Variants in KCNA6 observed in about 807,000 individuals in gnomAD.
The protein encoded by KCNA6 is potassium voltage-gated channel subfamily A member 6, also known as human brain potassium channel-2.
A neutral mutation model predicts 29.5 loss-of-function variants in KCNA6; 17 were observed. The ratio of observed to expected loss-of-function variants is 0.58; its 90% confidence interval spans 0.39 to 0.86. The LOEUF (loss-of-function observed/expected upper bound fraction) is 0.86. Among genes scored for constraint, KCNA6 ranks in the 40% least tolerant of loss-of-function variants. KCNA6 has a pLI of 0.00. For synonymous variants in KCNA6, 296 were observed against 304.7 expected, an observed-to-expected ratio of 0.97 and a Z score of 0.30; for missense variants, 450 against 703.4, an observed-to-expected ratio of 0.64 and a Z score of 4.07.
At chr12:4,840,239 C>A in the KCNA6 span, among the ~76,000 whole-genome samples, 91,372 of 147,060 alleles carry the variant, frequency 0.62, 28,200 homozygotes, top group Middle Eastern at 0.66. Context: ...ATCTATCTAT[C>A]TATCTCCTCT....
the KCNA6 span, among the ~76,000 whole-genome samples, chr12:4,833,077 G>T: frequency 5.3e-5 from 8 of 152,138 alleles, no homozygotes; most frequent in Admixed American, 3.9e-4. Flanking sequence ...TAAAAAAAGA[G>T]AATATTTTTT....
At chr12:4,823,484 C>T in the KCNA6 span, among the ~76,000 whole-genome samples, 718 of 151,832 alleles carry the variant, frequency 4.7e-3, 5 homozygotes, top group African/African-American at 0.016. Context: ...ACGGGAATTC[C>T]GGCTGGGTGC....
At chr12:4,829,753 C>T in the KCNA6 span, among the ~76,000 whole-genome samples, 1 of 152,054 alleles carries the variant, frequency 6.6e-6, no homozygotes, top group Non-Finnish European at 1.5e-5. Flanking sequence ...AGTTGGGTAC[C>T]TCCAGCCCAA....
chr12:4,826,858 AG>A, the KCNA6 span, among the ~76,000 whole-genome samples: 10 of 152,248 alleles, frequency 6.6e-5, no homozygotes, highest in Admixed American at 6.5e-4. Flanking sequence ...CATATACTCC[AG>A]TCTATTATTT....
the KCNA6 span, among the ~76,000 whole-genome samples, chr12:4,833,392 T>C: frequency 1.3e-5 from 2 of 152,106 alleles, no homozygotes; most frequent in East Asian, 3.9e-4. Context: ...ATCCTGCCCA[T>C]GTTGCTCCCA....
At chr12:4,843,282 A>G in the KCNA6 span, among the ~76,000 whole-genome samples, 3 of 150,876 alleles carry the variant, frequency 2.0e-5, no homozygotes, top group African/African-American at 4.9e-5. Flanking sequence ...CCGGGTTCAC[A>G]CCATTCTCCT....
the KCNA6 span, among the ~76,000 whole-genome samples, chr12:4,840,481 T>C: frequency 6.6e-6 from 1 of 152,200 alleles, no homozygotes; most frequent in Non-Finnish European, 1.5e-5. Context: ...AAGCATAAAC[T>C]GTAGCCCTAA....
downstream of KCNA6, among the ~76,000 whole-genome samples, chr12:4,815,221 G>A (rs988846725): frequency 1.3e-5 from 2 of 151,940 alleles, no homozygotes; most frequent in African/African-American, 4.8e-5. Flanking sequence ...GAGTGTTGAC[G>A]TCGAGGTCGC....
At chr12:4,844,244 A>T in the KCNA6 span, among the ~76,000 whole-genome samples, 1 of 152,182 alleles carries the variant, frequency 6.6e-6, no homozygotes, top group Admixed American at 6.5e-5. This position sits in a 1 kb window ranked among gnomAD's most constrained non-coding sequence, Gnocchi z 4.0. Context: ...CTTTCCTTCC[A>T]GTAGGGAGAA....
downstream of KCNA6, among the ~76,000 whole-genome samples, chr12:4,816,501 T>C (rs1046705647): frequency 6.6e-6 from 1 of 152,084 alleles, no homozygotes; most frequent in Non-Finnish European, 1.5e-5. Flanking sequence ...ACTTACACTT[T>C]GCTGGCAAAA....
At chr12:4,831,115 C>A in the KCNA6 span, among the ~76,000 whole-genome samples, 1 of 152,232 alleles carries the variant, frequency 6.6e-6, no homozygotes, top group Non-Finnish European at 1.5e-5. Flanking sequence ...TCTTATACAA[C>A]AACCCTAAGT....
the KCNA6 span, among the ~76,000 whole-genome samples, chr12:4,826,642 T>C: frequency 0.15 from 23,383 of 152,234 alleles, 1,890 homozygotes; most frequent in Non-Finnish European, 0.17. Context: ...GAGTCTTCAC[T>C]GTAAAGTGAG....
chr12:4,830,978 G>A, the KCNA6 span, among the ~76,000 whole-genome samples: 1 of 152,216 alleles, frequency 6.6e-6, no homozygotes, highest in South Asian at 2.1e-4. Flanking sequence ...CCCACCACGG[G>A]TTGTTGGTTT....
At chr12:4,816,784 G>C (rs888275650), downstream of KCNA6, among the ~76,000 whole-genome samples, 3 of 152,112 alleles carry the variant, frequency 2.0e-5, no homozygotes, top group African/African-American at 7.2e-5. Flanking sequence ...GGTGCTTCCG[G>C]TAAACAAAAG....
At chr12:4,823,541 C>T in the KCNA6 span, among the ~76,000 whole-genome samples, 4 of 151,684 alleles carry the variant, frequency 2.6e-5, no homozygotes, top group African/African-American at 4.8e-5. Context: ...CCGAGGCGGG[C>T]GAATCACTTG....
chr12:4,816,802 C>T (rs57424853), downstream of KCNA6, among the ~76,000 whole-genome samples: 1,755 of 152,130 alleles, frequency 0.012, 37 homozygotes, highest in African/African-American at 0.04. Flanking sequence ...AAGAAGTGGA[C>T]GGTAACGGCC....
At chr12:4,843,725 GT>G in the KCNA6 span, among the ~76,000 whole-genome samples, 1 of 152,072 alleles carries the variant, frequency 6.6e-6, no homozygotes, top group Non-Finnish European at 1.5e-5. Context: ...GGCAGTTCAC[GT>G]GGCGAAACCA....
chr12:4,834,571 T>C, the KCNA6 span, among the ~76,000 whole-genome samples: 1 of 152,124 alleles, frequency 6.6e-6, no homozygotes, highest in East Asian at 1.9e-4. Flanking sequence ...CTTTCAGGGC[T>C]TATGTGAGGG....
At chr12:4,813,767 C>G (rs917207564), downstream of KCNA6, 9 of 167,146 alleles carry the variant, frequency 5.4e-5, no homozygotes, top group Non-Finnish European at 1.0e-4. Flanking sequence ...AGAGAAAAGC[C>G]CATTCCAGAG....
Sources: allele counts gnomAD v4.1 joint callset (sites outside exome capture counted in the v4.1 genomes callset), GRCh38; gene constraint gnomAD v4.1.1; non-coding constraint Gnocchi (gnomAD v3.1); transcripts MANE v1.5; gene names NCBI Gene and HGNC (gene_info 2026-07-23, HGNC 2026-07-21).